EPB41L2: variants seen among roughly 807,000 people sequenced by gnomAD.
EPB41L2 encodes erythrocyte membrane protein band 4.1 like 2.
EPB41L2 carries 43 observed loss-of-function variants against 113.0 expected under a neutral mutation model. The observed-to-expected ratio is 0.38, with a 90% confidence interval of 0.30 to 0.49. The LOEUF is 0.49. Among genes scored for constraint, EPB41L2 ranks in the 20% least tolerant of loss-of-function variants. EPB41L2 has a pLI of 0.95. For missense variants in EPB41L2, 1,147 were observed against 1,223.4 expected (o/e 0.94, Z 0.93); for synonymous variants, 442 against 436.7 (o/e 1.01, Z -0.15).
intron 1 of EPB41L2, among the ~76,000 whole-genome samples, chr6:130,993,920 G>A (rs1782472385): frequency 6.6e-6 from 1 of 152,158 alleles, no homozygotes; most frequent in Non-Finnish European, 1.5e-5. Context: ...CAAGCTTCCA[G>A]GTATAAGGTT....
chr6:130,994,511 A>G (rs142581711), intron 1 of EPB41L2, among the ~76,000 whole-genome samples: 7 of 152,320 alleles, frequency 4.6e-5, no homozygotes, highest in African/African-American at 1.2e-4. Context: ...ACTGCATTCT[A>G]TGAGAAAAGA....
intron 1 of EPB41L2, among the ~76,000 whole-genome samples, chr6:130,968,338 A>G (rs1468001659): frequency 1.3e-5 from 2 of 152,174 alleles, no homozygotes; most frequent in Non-Finnish European, 2.9e-5. Context: ...GCCTACACTG[A>G]TCTCATACTT....
chr6:130,971,026 G>A (rs1776642904), intron 1 of EPB41L2, among the ~76,000 whole-genome samples: 1 of 152,066 alleles, frequency 6.6e-6, no homozygotes. Context: ...TCAAGTAGCT[G>A]GGACCACAGG....
At chr6:130,968,707 T>C (rs1435214894) in intron 1 of EPB41L2, among the ~76,000 whole-genome samples, 1 of 150,994 alleles carries the variant, frequency 6.6e-6, no homozygotes. Flanking sequence ...ATTACAGACA[T>C]GCCATTTGGA....
chr6:131,029,919 T>C, intron 1 of EPB41L2, among the ~76,000 whole-genome samples: 1 of 151,138 alleles, frequency 6.6e-6, no homozygotes, highest in Admixed American at 6.6e-5. Flanking sequence ...TTTTTTTTTA[T>C]GCAGCACCCC....
At chr6:131,025,006 CCATCTTCT>C (rs1467536777) in intron 1 of EPB41L2, among the ~76,000 whole-genome samples, 2 of 152,126 alleles carry the variant, frequency 1.3e-5, no homozygotes, top group African/African-American at 4.8e-5. Flanking sequence ...GTTCAGCCCA[CCATCTTCT>C]CATTGGAGGC....
rs1424828077 is a variant in EPB41L2 at position 130,908,862 on chromosome 6, T to G, written c.812A>C (p.Asn271Thr). 6.2e-7 allele frequency: 1 copy of G among 1,602,398 alleles called. No individual in the cohort carries two copies. The highest frequency in any genetic ancestry group is 1.7e-5 in the Admixed American group (1 of 58,756). ...LLFQESPEQK[N>T]WLDPAKEIKR... is the part of the protein sequence containing the mutation. The stretch of plus-strand genomic sequence containing the variant: ...TATTTCTTTAGCAGGATCTAACCAG[T>G]TCTGCATGAGGGAAAAAAATTAATT... The change falls in exon 5 of 20, where the codon AAC becomes ACC. Residue 271 changes from asparagine to threonine, a missense_variant and splice_region_variant. Physicochemically the swap from Asn to Thr is moderately conservative, Grantham distance 65. Coordinates refer to ENST00000337057, the MANE Select transcript of EPB41L2 (RefSeq NM_001431.4).
chr6:131,051,452 C>A lies in EPB41L2; in HGVS notation c.-15+11703G>T, dbSNP rs1213667570. ...AAGGAACAAATTCACAAAAGTAAAGCAAAAAAAAAAAAAACACACACACAC... is the reference window on the plus strand; with the variant it reads ...AAGGAACAAATTCACAAAAGTAAAGAAAAAAAAAAAAAAACACACACACAC... On this transcript the variant is annotated intron_variant, in intron 1 of 19. Coordinates refer to ENST00000337057, the MANE Select transcript of EPB41L2 (RefSeq NM_001431.4). Among the ~76,000 whole-genome samples, 143 of 101,716 alleles carry A rather than the reference C, an allele frequency of 1.4e-3. 1 individual carries two copies. The highest frequency in any genetic ancestry group is 2.0e-3 in the African/African-American group (42 of 21,288). The allele number at this position is 101,716 out of a possible 152,430, so 66.7% of individuals were successfully genotyped here. A position where few individuals can be genotyped will look rare whatever the true frequency, so the allele number is the denominator to read the frequency against.
rs1463346852 is a variant in EPB41L2, at chr6:130,865,555, G to T, written c.2810C>A (p.Thr937Lys). The T allele has an allele frequency of 6.2e-7, 1 of 1,614,048 alleles. No individual in the cohort carries two copies. Among genetic ancestry groups the T allele is most frequent in the Non-Finnish European group, 8.5e-7 (1 of 1,180,038 alleles). The change falls in exon 17 of 20, where the codon ACA (threonine) becomes AAA (lysine). Residue 937 changes from threonine (T) to lysine (K), a missense_variant. Coordinates refer to ENST00000337057, the MANE Select transcript of EPB41L2 (RefSeq NM_001431.4). ...CTTTACCTTGGTGATGTGTGTGGTTGTCGTTGTTGACACGGACTCAGATGT... is the reference window on the plus strand; with the variant it reads ...CTTTACCTTGGTGATGTGTGTGGTTTTCGTTGTTGACACGGACTCAGATGT... ...TITSESVSTT[T>K]TTHITKTVKG...
chr6:130,912,843 A>C (rs932671019), intron 4 of EPB41L2, among the ~76,000 whole-genome samples: 14 of 152,192 alleles, frequency 9.2e-5, no homozygotes, highest in African/African-American at 3.4e-4. Flanking sequence ...TTTTCACCCA[A>C]GGAACAACCA....
chr6:131,048,155 A>AAAAAG (rs1562797570), intron 1 of EPB41L2, among the ~76,000 whole-genome samples: 2 of 93,710 alleles, frequency 2.1e-5, no homozygotes, highest in South Asian at 3.4e-4. Flanking sequence ...AAAAAAAAAA[A>AAAAAG]AAGAAAAAAA....
At chr6:130,900,036 C>T (rs1246517349) in intron 7 of EPB41L2, among the ~76,000 whole-genome samples, 1 of 152,144 alleles carries the variant, frequency 6.6e-6, no homozygotes. Context: ...ATTGTCCATA[C>T]TAAAATTATT....
At chr6:131,032,844 C>A (rs1182405203) in intron 1 of EPB41L2, among the ~76,000 whole-genome samples, 3 of 152,046 alleles carry the variant, frequency 2.0e-5, no homozygotes, top group African/African-American at 4.8e-5. Context: ...CAAAGACTAA[C>A]AATAACAAAA....
At chr6:130,975,132 G>T (rs1299371532) in intron 1 of EPB41L2, among the ~76,000 whole-genome samples, 1 of 152,080 alleles carries the variant, frequency 6.6e-6, no homozygotes, top group Non-Finnish European at 1.5e-5. Flanking sequence ...AAATACATTT[G>T]AGTACACAAA....
intron 8 of EPB41L2, among the ~76,000 whole-genome samples, chr6:130,895,757 G>A (rs965708573): frequency 1.3e-5 from 2 of 152,228 alleles, no homozygotes; most frequent in African/African-American, 4.8e-5. Context: ...TCAAAGGACT[G>A]CAGACTATTC....
At chr6:130,876,321 G>T (rs113537145) in intron 14 of EPB41L2, among the ~76,000 whole-genome samples, 1,573 of 152,238 alleles carry the variant, frequency 0.01, 38 homozygotes, top group African/African-American at 0.036. Context: ...CACATAAGTG[G>T]TTATTTTAAC....
chr6:130,909,594 T>C (rs1250774579), intron 4 of EPB41L2, among the ~76,000 whole-genome samples: 1 of 152,220 alleles, frequency 6.6e-6, no homozygotes, highest in Non-Finnish European at 1.5e-5. Context: ...GGAAGTCAAA[T>C]TGTCTCTGTT....
intron 15 of EPB41L2, chr6:130,868,412 A>C (rs1223588126): frequency 6.6e-6 from 1 of 152,240 alleles, no homozygotes; most frequent in Non-Finnish European, 1.5e-5. Flanking sequence ...CCGAGTATGC[A>C]TGCTTAATAT....
chr6:131,057,074 A>G (rs1377806257), intron 1 of EPB41L2, among the ~76,000 whole-genome samples: 1 of 152,238 alleles, frequency 6.6e-6, no homozygotes, highest in Non-Finnish European at 1.5e-5. Flanking sequence ...AATTAAAAAA[A>G]AAGAGAAAAA....
Sources: gnomAD v4.1 joint callset for allele counts (sites outside exome capture counted in the v4.1 genomes callset) on GRCh38, gnomAD v4.1.1 for gene constraint, MANE v1.5 for transcripts, NCBI Gene and HGNC (gene_info 2026-07-23, HGNC 2026-07-21) for gene names.